TMEM131L: variants seen among roughly 807,000 people sequenced by gnomAD.
TMEM131L encodes the protein transmembrane protein 131-like.
In TMEM131L, 54 loss-of-function variants were observed where a neutral mutation model predicts 192.2. The ratio of observed to expected loss-of-function variants is 0.28; its 90% CI spans 0.23 to 0.35. The LOEUF (loss-of-function observed/expected upper bound fraction) is 0.35. Ranked by LOEUF, TMEM131L falls within the 10% of genes least tolerant of loss-of-function variation. The pLI is 1.00. For synonymous variants in TMEM131L, 701 were observed against 704.9 expected (o/e 0.99, Z 0.09); for missense variants, 1,888 against 1,972.9 (o/e 0.96, Z 0.82).
chr4:153,501,241 T>C (rs1206511842), intron 3 of TMEM131L, among the ~76,000 whole-genome samples: 1 of 148,534 alleles, frequency 6.7e-6, no homozygotes, highest in African/African-American at 2.5e-5. Flanking sequence ...AGTCTCGCTC[T>C]GTCACCCAGG....
Position 153,588,179 on chromosome 4 carries a change from G to A in TMEM131L, c.1552+368G>A, listed in dbSNP as rs145493907. Among the ~76,000 whole-genome samples the A allele has an allele frequency of 1.5e-3, 222 of 151,184 alleles. 1 individual carries two copies. Among genetic ancestry groups the A allele is most frequent in the Middle Eastern group, 3.4e-3 (1 of 290 alleles). On this transcript the variant is annotated intron_variant, in intron 15 of 34. Coordinates refer to ENST00000409959, the MANE Select transcript of TMEM131L (RefSeq NM_001131007.2). Reference sequence around the variant, plus strand: ...CTTGGAATTGTATTTGAGGACTTAAGTTATAGGAGTGTAAACATCTTGCAG... The same window carrying A: ...CTTGGAATTGTATTTGAGGACTTAAATTATAGGAGTGTAAACATCTTGCAG...
chr4:153,528,357 G>A (rs1735650049), intron 3 of TMEM131L, among the ~76,000 whole-genome samples: 1 of 152,198 alleles, frequency 6.6e-6, no homozygotes, highest in South Asian at 2.1e-4. Flanking sequence ...CTTTTCCAGT[G>A]AAGTGGGAAA....
chr4:153,533,507 A>G (rs1420681221), intron 3 of TMEM131L, among the ~76,000 whole-genome samples: 2 of 152,182 alleles, frequency 1.3e-5, no homozygotes, highest in Admixed American at 1.3e-4. Context: ...AGATCTATTC[A>G]TTCAAGCAGT....
intron 3 of TMEM131L, among the ~76,000 whole-genome samples, chr4:153,512,834 G>A (rs1405611293): frequency 2.0e-5 from 3 of 152,112 alleles, no homozygotes; most frequent in East Asian, 1.9e-4. Flanking sequence ...AGATGGTCTC[G>A]ATCTCTTGAC....
At position 153,526,607 on chromosome 4, in the gene TMEM131L, G is replaced by A. The variant is rs536982056; in HGVS notation, c.240-23466G>A. ...AAAAAAATTAGCCGGGCGTGGTGGC[G>A]GGCACCTGTAGTCCCAGCTACTCAG... On this transcript the variant is annotated intron_variant, in intron 3 of 34. Coordinates refer to ENST00000409959, the MANE Select transcript of TMEM131L (RefSeq NM_001131007.2). 6.6e-5 allele frequency among the ~76,000 whole-genome samples: 10 copies of A among 152,132 alleles called. No homozygotes were observed. The South Asian group carries it at 1.7e-3, about 25-fold the overall frequency.
At chr4:153,543,254 TA>T (rs1381924439) in intron 3 of TMEM131L, among the ~76,000 whole-genome samples, 8 of 152,216 alleles carry the variant, frequency 5.3e-5, no homozygotes, top group Non-Finnish European at 7.4e-5. Context: ...TTCAAGTAGT[TA>T]ATTGACTGGT....
intron 9 of TMEM131L, among the ~76,000 whole-genome samples, chr4:153,582,526 C>T (rs757861723): frequency 2.7e-5 from 4 of 149,922 alleles, no homozygotes; most frequent in Non-Finnish European, 4.4e-5. Flanking sequence ...CATTCCTCCC[C>T]GCTTGGCCTC....
chr4:153,485,976 C>G (rs957427908), intron 3 of TMEM131L, among the ~76,000 whole-genome samples: 3 of 152,136 alleles, frequency 2.0e-5, no homozygotes, highest in Non-Finnish European at 2.9e-5. Flanking sequence ...AGAACATGTG[C>G]GTGATCCTAG....
intron 7 of TMEM131L, among the ~76,000 whole-genome samples, chr4:153,580,275 C>T (rs1290123805): frequency 6.6e-6 from 1 of 152,014 alleles, no homozygotes; most frequent in Admixed American, 6.5e-5. Flanking sequence ...TTTTTATATG[C>T]TTTTGTCTCT....
In TMEM131L at chr4:153,564,287, C is replaced by CAA. The variant is rs1178320668; in HGVS notation, c.660+5945_660+5946dup. Among the ~76,000 whole-genome samples, 103 of 17,570 alleles carry CAA rather than the reference C, an allele frequency of 5.9e-3. 7 individuals are homozygous for CAA. Among genetic ancestry groups the CAA allele is most frequent in the South Asian group, 0.029 (13 of 452 alleles). 11.5% of individuals were successfully genotyped at this position (17,570 alleles called of 152,430 possible). On this transcript the variant is annotated intron_variant, in intron 7 of 34. Transcript: ENST00000409959. Reference sequence around the variant, plus strand: ...CTGGGAGACGAGCAAAACTCCGTCTCAAAAAAAAAAAAAAAAAAAAAAAAA... The same window carrying CAA: ...CTGGGAGACGAGCAAAACTCCGTCTCAAAAAAAAAAAAAAAAAAAAAAAAAAA...
At chr4:153,515,093 T>G (rs1232073913) in intron 3 of TMEM131L, among the ~76,000 whole-genome samples, 1 of 152,250 alleles carries the variant, frequency 6.6e-6, no homozygotes, top group African/African-American at 2.4e-5. Flanking sequence ...ATTGCAGGCA[T>G]TAGCCACCGT....
chr4:153,604,414 T>A lies in TMEM131L; in HGVS notation c.3402T>A (p.Ile1134=), dbSNP rs770728832. The change falls in exon 25 of 35, where the codon ATT becomes ATA. Residue 1134 remains isoleucine, a synonymous_variant. Transcript: ENST00000409959. ...PQYHQPDLPE[I]SRKNNGNNQQ... ...ACCACCAGCCAGACTTGCCAGAAAT[T>A]TCCAGGAAAAATAATGGTAATCTTT... 15 of 1,597,918 alleles carry A rather than the reference T, an allele frequency of 9.4e-6. 1 individual carries two copies. The East Asian group carries it at 3.4e-4, about 36-fold the overall frequency.
intron 3 of TMEM131L, among the ~76,000 whole-genome samples, chr4:153,522,514 G>A (rs1471524856): frequency 1.3e-5 from 2 of 152,116 alleles, no homozygotes; most frequent in Middle Eastern, 3.2e-3. Context: ...GCTCTTCCAG[G>A]AAGCGTGACC....
intron 3 of TMEM131L, among the ~76,000 whole-genome samples, chr4:153,500,875 A>G (rs951487827): frequency 8.5e-5 from 13 of 152,198 alleles, no homozygotes; most frequent in African/African-American, 2.7e-4. Flanking sequence ...GAATGACTAC[A>G]TGGCTTAGTC....
intron 26 of TMEM131L, among the ~76,000 whole-genome samples, chr4:153,613,402 T>G (rs1009742701): frequency 6.6e-6 from 1 of 152,206 alleles, no homozygotes; most frequent in Non-Finnish European, 1.5e-5. Context: ...GAGAGGTAGG[T>G]GAAAATAAAT....
At chr4:153,582,185 C>G (rs1730381397) in intron 9 of TMEM131L, among the ~76,000 whole-genome samples, 1 of 152,038 alleles carries the variant, frequency 6.6e-6, no homozygotes, top group Non-Finnish European at 1.5e-5. Flanking sequence ...TATTTGTATT[C>G]ATATTCAAGA....
At chr4:153,565,873 C>G (rs1305396459) in intron 7 of TMEM131L, among the ~76,000 whole-genome samples, 1 of 152,120 alleles carries the variant, frequency 6.6e-6, no homozygotes, top group Admixed American at 6.5e-5. Context: ...TTGTGTTAGG[C>G]TCATGAGAAG....
At chr4:153,577,589 A>C (rs1220314566) in intron 7 of TMEM131L, among the ~76,000 whole-genome samples, 2 of 152,234 alleles carry the variant, frequency 1.3e-5, no homozygotes, top group African/African-American at 4.8e-5. Flanking sequence ...TGCTGACAAA[A>C]ATAAGCAGCA....
intron 2 of TMEM131L, among the ~76,000 whole-genome samples, chr4:153,468,697 G>A (rs1461500584): frequency 6.6e-6 from 1 of 152,052 alleles, no homozygotes; most frequent in Admixed American, 6.6e-5. Context: ...AGCATCCCTT[G>A]CCTCTACCCA....
Sources: allele counts gnomAD v4.1 joint callset (sites outside exome capture counted in the v4.1 genomes callset), GRCh38; gene constraint gnomAD v4.1.1; transcripts MANE v1.5; gene names NCBI Gene and HGNC (gene_info 2026-07-23, HGNC 2026-07-21).